The following IL4R variants were observed in gnomAD, a reference collection of about 807,000 sequenced individuals.
IL4R encodes interleukin-4 receptor subunit alpha.
IL4R carries 17 observed loss-of-function variants against 41.5 expected under a neutral mutation model. The ratio of observed to expected loss-of-function variants is 0.41; its 90% CI spans 0.28 to 0.61. IL4R has a LOEUF of 0.61. IL4R is among the 20% of genes least tolerant of loss of function. The pLI is 0.31. For synonymous variants in IL4R, 402 were observed against 422.9 expected, an observed-to-expected ratio of 0.95 and a Z score of 0.61; for missense variants, 974 against 1,043.1, an observed-to-expected ratio of 0.93 and a Z score of 0.91.
chr16:27,343,411 T>TTTTG (rs144213170), intron 4 of IL4R, among the ~76,000 whole-genome samples: 33,362 of 151,460 alleles, frequency 0.22, 4,492 homozygotes, highest in East Asian at 0.38. Flanking sequence ...CCTTTATGTT[T>TTTTG]TTTGTTTGTT....
intron 1 of IL4R, among the ~76,000 whole-genome samples, chr16:27,325,417 C>CA (rs11454774): frequency 0.015 from 2,310 of 151,926 alleles, 66 homozygotes; most frequent in African/African-American, 0.052. Context: ...GCTAAAAATA[C>CA]AAAAAAATTA....
Position 27,361,147 on chromosome 16 carries a change from T to A in IL4R, c.899+332T>A, listed in dbSNP as rs543018046. On this transcript the variant is annotated intron_variant, in intron 10 of 10. Coordinates refer to ENST00000395762, the MANE Select transcript of IL4R (RefSeq NM_000418.4). ...GCCACTATCCTGAACACTCCCCTCC[T>A]TTTTTTTAATATACAGGATCTCACT... is the stretch of plus-strand genomic sequence containing the variant. 6.6e-5 allele frequency: 41 copies of A among 622,556 alleles called. No homozygotes were observed. In the African/African-American group the frequency reaches 7.9e-4, roughly 12 times the overall value. 38.6% of individuals were successfully genotyped at this position (622,556 alleles called of 1,614,324 possible). A position where few individuals can be genotyped will look rare whatever the true frequency, so the allele number is the denominator to read the frequency against.
At chr16:27,333,783 G>C (rs2085176838) in intron 2 of IL4R, among the ~76,000 whole-genome samples, 1 of 152,084 alleles carries the variant, frequency 6.6e-6, no homozygotes, top group Non-Finnish European at 1.5e-5. Flanking sequence ...CTGCCTAGCA[G>C]CATGTCAGAA....
At chr16:27,329,192 C>T (rs55670866) in intron 1 of IL4R, among the ~76,000 whole-genome samples, 2 of 152,184 alleles carry the variant, frequency 1.3e-5, no homozygotes, top group African/African-American at 2.4e-5. Flanking sequence ...CTCTTGCCTT[C>T]CCCGTGAATA....
chr16:27,340,091 A>G (rs1396746914), intron 2 of IL4R, 95 bp from the exon 3 acceptor site: 5 of 767,180 alleles, frequency 6.5e-6, no homozygotes, highest in Non-Finnish European at 1.1e-5. Flanking sequence ...AAACAAACAA[A>G]TAAATGGCCA....
chr16:27,338,074 G>A (rs1053440010), intron 2 of IL4R, among the ~76,000 whole-genome samples: 4 of 148,036 alleles, frequency 2.7e-5, no homozygotes, highest in Non-Finnish European at 4.5e-5. Context: ...CTCCCACCTC[G>A]GCCTCCCGTG....
chr16:27,326,607 A>G (rs552853470), intron 1 of IL4R, among the ~76,000 whole-genome samples: 1 of 152,312 alleles, frequency 6.6e-6, no homozygotes, highest in Admixed American at 6.5e-5. Context: ...TCAAGGCTGC[A>G]CTGAGCCGTG....
rs1341091108 is a variant in IL4R, at chr16:27,363,963, T to C, written c.*133T>C. 3 of 1,080,680 alleles carry C rather than the reference T, an allele frequency of 2.8e-6. No individual in the cohort carries two copies. Among genetic ancestry groups the C allele is most frequent in the Non-Finnish European group, 4.0e-6 (3 of 752,646 alleles). 66.9% of individuals were successfully genotyped at this position (1,080,680 alleles called of 1,614,324 possible). A position where few individuals can be genotyped will look rare whatever the true frequency, so the allele number is the denominator to read the frequency against. ...TTGAAGAACCATGGTATGAAGGTGA[T>C]TGGCCCCACTGACGTTGGCCTAACA... On this transcript the variant is annotated 3_prime_UTR_variant, in exon 11 of 11. Transcript: ENST00000395762.
rs3024608 is a variant in IL4R at position 27,352,365 on chromosome 16, G to C, written c.514-175G>C. Among the ~76,000 whole-genome samples, 137,727 of 152,230 alleles carry C rather than the reference G, an allele frequency of 0.9. 62,600 individuals are homozygous for C. Among genetic ancestry groups the C allele is most frequent in the Middle Eastern group, 0.96 (281 of 294 alleles). ...GTCGAGGAGCCTGACGCATGTTGCT[G>C]TAGCCTGGTCACAGTTACAGAGGTG... is the stretch of plus-strand genomic sequence containing the variant. On this transcript the variant is annotated intron_variant, in intron 6 of 10. Transcript: ENST00000395762.
intron 1 of IL4R, among the ~76,000 whole-genome samples, chr16:27,321,606 G>T (rs890322494): frequency 6.6e-6 from 1 of 152,166 alleles, no homozygotes; most frequent in African/African-American, 2.4e-5. Flanking sequence ...TTCTATATGA[G>T]CTGCTGTTAA....
chr16:27,352,603 T>C lies in IL4R; in HGVS notation c.577T>C (p.Ser193Pro). The C allele has an allele frequency of 6.2e-7, 1 of 1,614,052 alleles. No individual in the cohort carries two copies. The highest frequency in any genetic ancestry group is 8.5e-7 in the Non-Finnish European group (1 of 1,179,910). ...SLRIAASTLK[S>P]GISYRARVRA... ...CCGCATCGCAGCCAGCACCCTGAAG[T>C]CTGGGATTTCCTACAGGGCACGGGT... The change falls in exon 7 of 11, where the codon TCT (serine) becomes CCT (proline). Residue 193 changes from serine to proline, a missense_variant. By Grantham distance (74) the Ser-to-Pro change is moderately conservative (BLOSUM62 -1). This residue lies in a region of IL4R where 284 missense variants were observed against 313.4 expected (regional missense o/e 0.91). Transcript: ENST00000395762.
At chr16:27,351,546 A>C (rs2085876389) in intron 6 of IL4R, among the ~76,000 whole-genome samples, 1 of 129,844 alleles carries the variant, frequency 7.7e-6, no homozygotes, top group African/African-American at 3.0e-5. Context: ...CGAAGTCGTC[A>C]CTCTGTCACC....
chr16:27,361,424 G>A lies in IL4R; in HGVS notation c.899+609G>A, dbSNP rs1036024981. Among the ~76,000 whole-genome samples the A allele has an allele frequency of 2.6e-5, 4 of 152,082 alleles. No homozygotes were observed. In the South Asian group the frequency reaches 8.3e-4, roughly 32 times the overall value. On this transcript the variant is annotated intron_variant, in intron 10 of 10. Transcript: ENST00000395762. ...ATTGTGCCACTGCACTCCAGCCTGG[G>A]CGACAGAGTGAGACTCTTGTCTCAA...
intron 1 of IL4R, among the ~76,000 whole-genome samples, chr16:27,320,531 C>T (rs937398672): frequency 3.3e-5 from 5 of 152,188 alleles, no homozygotes; most frequent in South Asian, 2.1e-4. Context: ...CTGGGTGACA[C>T]GGCTCCTAAG....
At chr16:27,337,574 TC>T (rs2085297711) in intron 2 of IL4R, among the ~76,000 whole-genome samples, 1 of 151,200 alleles carries the variant, frequency 6.6e-6, no homozygotes, top group Non-Finnish European at 1.5e-5. Flanking sequence ...TTTTTCTTTT[TC>T]TTTTTTTTTT....
In IL4R at chr16:27,355,829, A is replaced by T; in HGVS notation, c.692A>T (p.Gln231Leu). 6.2e-7 allele frequency: 1 copy of T among 1,613,514 alleles called. No homozygotes were observed. ...WHNSYREPFE[Q>L]HLLLGVSVSC... The stretch of plus-strand genomic sequence containing the variant: ...CCAGCCTACAGGGAGCCCTTCGAGC[A>T]GCACCTCCTGCTGGGCGTCAGCGTT... Residue 231 changes from glutamine to leucine, a missense_variant, in exon 8 of 11, where the codon CAG (glutamine) becomes CTG (leucine). By Grantham distance (113) the Gln-to-Leu change is moderately radical (BLOSUM62 -2). Around this residue, in one of 3 missense-constraint regions of IL4R, gnomAD observed 284 missense variants for 313.4 expected, o/e 0.91. Transcript: ENST00000395762.
At chr16:27,321,750 A>C (rs573340860) in intron 1 of IL4R, among the ~76,000 whole-genome samples, 1 of 152,314 alleles carries the variant, frequency 6.6e-6, no homozygotes, top group African/African-American at 2.4e-5. Context: ...TCTTTCCACA[A>C]CTTGTTACAC....
chr16:27,338,973 G>A (rs549995423), intron 2 of IL4R, among the ~76,000 whole-genome samples: 1 of 152,148 alleles, frequency 6.6e-6, no homozygotes, highest in East Asian at 1.9e-4. Context: ...TCCTGCCTCA[G>A]CCTCCAGAGT....
chr16:27,329,860 C>T (rs762618196), intron 1 of IL4R, among the ~76,000 whole-genome samples: 8 of 150,812 alleles, frequency 5.3e-5, no homozygotes, highest in African/African-American at 1.2e-4. Flanking sequence ...AGGGAGGGCC[C>T]GCATTAGTTG....
Sources: allele counts gnomAD v4.1 joint callset (sites outside exome capture counted in the v4.1 genomes callset), GRCh38; gene constraint gnomAD v4.1.1; regional missense constraint gnomAD v4.1.1; transcripts MANE v1.5; gene names NCBI Gene and HGNC (gene_info 2026-07-23, HGNC 2026-07-21).